DNM3: variants seen among roughly 807,000 people sequenced by gnomAD.
DNM3 encodes dynamin-3.
DNM3 carries 47 observed loss-of-function variants against 101.6 expected under a neutral mutation model. That is an observed-to-expected ratio of 0.46 (90% CI 0.37 to 0.59). The LOEUF (loss-of-function observed/expected upper bound fraction) is 0.59. Among genes scored for constraint, DNM3 ranks in the 20% least tolerant of loss-of-function variants. The pLI is 0.00. For synonymous variants in DNM3, 385 were observed against 387.9 expected, an observed-to-expected ratio of 0.99 and a Z score of 0.09; for missense variants, 849 against 1,085.7, an observed-to-expected ratio of 0.78 and a Z score of 3.06.
At chr1:172,046,667 C>G (rs1373907915) in intron 9 of DNM3, among the ~76,000 whole-genome samples, 2 of 152,090 alleles carry the variant, frequency 1.3e-5, no homozygotes, top group Admixed American at 1.3e-4. Context: ...GAGAAAACAT[C>G]TATAACCAAA....
At chr1:172,134,793 T>C (rs2057126573) in intron 14 of DNM3, among the ~76,000 whole-genome samples, 1 of 152,126 alleles carries the variant, frequency 6.6e-6, no homozygotes, top group Non-Finnish European at 1.5e-5. Context: ...GGGGGTACTT[T>C]ACATTGGATG....
intron 14 of DNM3, chr1:172,139,689 A>T (rs2057461013): frequency 1.3e-5 from 2 of 152,280 alleles, no homozygotes; most frequent in South Asian, 4.1e-4. Flanking sequence ...GATGCTCAGA[A>T]TGTGTTTTGG....
chr1:172,314,859 C>T (rs1477709906), intron 16 of DNM3, among the ~76,000 whole-genome samples: 1 of 152,170 alleles, frequency 6.6e-6, no homozygotes, highest in African/African-American at 2.4e-5. Flanking sequence ...ACTTAAATGT[C>T]CCTGTCTGAC....
chr1:172,316,472 G>C (rs550089166), intron 16 of DNM3, among the ~76,000 whole-genome samples: 14 of 152,062 alleles, frequency 9.2e-5, no homozygotes, highest in African/African-American at 3.1e-4. Context: ...AGACCCATCA[G>C]TGTGCTGTAT....
At chr1:172,003,473 T>G (rs917396026) in intron 4 of DNM3, among the ~76,000 whole-genome samples, 5 of 151,942 alleles carry the variant, frequency 3.3e-5, no homozygotes, top group Non-Finnish European at 7.4e-5. Context: ...AAAGCGAAAT[T>G]CTTCTAAAGT....
chr1:172,415,524 G>GTTTTTTTTTTTTTT, downstream of DNM3: 1 of 99,128 alleles, frequency 1.0e-5, no homozygotes, highest in Non-Finnish European at 1.9e-5. Flanking sequence ...TTTTTTGTGA[G>GTTTTTTTTTTTTTT]TTTTTTTTTT....
chr1:172,227,813 C>T (rs2061190816), intron 14 of DNM3, among the ~76,000 whole-genome samples: 1 of 152,060 alleles, frequency 6.6e-6, no homozygotes, highest in Non-Finnish European at 1.5e-5. Context: ...GTTAATATTC[C>T]AGCCAATGGT....
chr1:172,287,175 G>A (rs866655575), intron 15 of DNM3, among the ~76,000 whole-genome samples: 6 of 152,170 alleles, frequency 3.9e-5, no homozygotes, highest in Middle Eastern at 3.4e-3. Flanking sequence ...CATCACTCCC[G>A]CATTTTCTAT....
At chr1:172,273,217 A>T (rs767690112) in intron 15 of DNM3, among the ~76,000 whole-genome samples, 7 of 152,008 alleles carry the variant, frequency 4.6e-5, no homozygotes, top group Non-Finnish European at 7.4e-5. Flanking sequence ...TAGGAGTCAG[A>T]GCACTAACTC....
At chr1:172,248,605 A>G (rs2062048109) in intron 14 of DNM3, among the ~76,000 whole-genome samples, 1 of 152,078 alleles carries the variant, frequency 6.6e-6, no homozygotes, top group Non-Finnish European at 1.5e-5. Context: ...TCAAGGCCAC[A>G]AGAACCTGCC....
At chr1:172,082,690 G>C (rs1181448012) in intron 12 of DNM3, among the ~76,000 whole-genome samples, 2 of 152,000 alleles carry the variant, frequency 1.3e-5, no homozygotes, top group Non-Finnish European at 2.9e-5. Flanking sequence ...CAAGAACAGA[G>C]ACAAATAAAA....
chr1:172,039,027 T>C (rs1478359172), intron 7 of DNM3, among the ~76,000 whole-genome samples: 1 of 152,110 alleles, frequency 6.6e-6, no homozygotes, highest in Non-Finnish European at 1.5e-5. Flanking sequence ...CCCTTCATGA[T>C]CTTCCCATCT....
chr1:172,225,771 T>C (rs1415680210), intron 14 of DNM3, among the ~76,000 whole-genome samples: 1 of 151,866 alleles, frequency 6.6e-6, no homozygotes, highest in Non-Finnish European at 1.5e-5. Context: ...ATATAAAAAA[T>C]TCCAACATCT....
intron 8 of DNM3, among the ~76,000 whole-genome samples, chr1:172,043,782 A>C (rs1469264678): frequency 6.6e-6 from 1 of 152,018 alleles, no homozygotes; most frequent in Non-Finnish European, 1.5e-5. Context: ...TCAGGGTTGA[A>C]CTCAATGTTC....
chr1:171,965,469 C>T (rs1161735895), intron 2 of DNM3, among the ~76,000 whole-genome samples: 1 of 151,366 alleles, frequency 6.6e-6, no homozygotes, highest in Non-Finnish European at 1.5e-5. Context: ...AGGAGGATTA[C>T]CTGAGCCTGA....
chr1:171,935,444 A>C (rs544889279), intron 2 of DNM3, among the ~76,000 whole-genome samples: 10 of 152,308 alleles, frequency 6.6e-5, no homozygotes, highest in Non-Finnish European at 1.2e-4. Flanking sequence ...TGCTAGGTCA[A>C]GGTAATTTGG....
Position 172,078,282 on chromosome 1 carries a change from T to C in DNM3, c.1423-3550T>C, listed in dbSNP as rs547755920. Among the ~76,000 whole-genome samples, 17 of 152,178 alleles carry C rather than the reference T, an allele frequency of 1.1e-4. No homozygotes were observed. The East Asian group carries it at 1.9e-3, about 17-fold the overall frequency. On this transcript the variant is annotated intron_variant, in intron 11 of 20. Coordinates refer to ENST00000627582, the MANE Select transcript of DNM3 (RefSeq NM_015569.5). ...TAATTTTTTGTATTTTTAGTAGAGA[T>C]AGGGTTTCATCATATTAGCCAGGAT...
chr1:172,353,247 C>A (rs1258052531), intron 17 of DNM3, among the ~76,000 whole-genome samples: 5 of 152,136 alleles, frequency 3.3e-5, no homozygotes, highest in African/African-American at 1.2e-4. Flanking sequence ...CTGATACATT[C>A]TTTCTGCATT....
At chr1:172,317,485 C>A (rs963741513) in intron 16 of DNM3, among the ~76,000 whole-genome samples, 20 of 152,022 alleles carry the variant, frequency 1.3e-4, no homozygotes, top group African/African-American at 4.4e-4. Flanking sequence ...AATTGATAGA[C>A]CACTAGCAAG....
Sources: allele counts gnomAD v4.1 joint callset (sites outside exome capture counted in the v4.1 genomes callset), GRCh38; gene constraint gnomAD v4.1.1; transcripts MANE v1.5; gene names NCBI Gene and HGNC (gene_info 2026-07-23, HGNC 2026-07-21).